Variants in RBM41 observed in about 807,000 individuals in gnomAD.
RBM41 encodes RNA binding motif protein 41.
Under a neutral mutation model 30.8 loss-of-function variants are expected in RBM41, and 14 were observed. The ratio of observed to expected loss-of-function variants is 0.45; its 90% CI spans 0.30 to 0.71. The LOEUF (loss-of-function observed/expected upper bound fraction) is 0.71, where lower values mean the gene tolerates loss of function less well. Among genes scored for constraint, RBM41 ranks in the 30% least tolerant of loss-of-function variants. The probability of loss-of-function intolerance (pLI) is 0.08; values close to 1 mark genes in which losing one functional copy is unlikely to be tolerated. For synonymous variants in RBM41, 120 were observed against 110.1 expected (o/e 1.09, Z -0.56); for missense variants, 276 against 326.3 (o/e 0.85, Z 1.19).
chrX:107,083,010 G>A (rs780542995), intron 6 of RBM41, among the ~76,000 whole-genome samples: 3 of 110,367 alleles, frequency 2.7e-5, no homozygotes, highest in Non-Finnish European at 5.7e-5. Context: ...CTTTCTTTAT[G>A]CAGATCTGAG....
chrX:107,088,659 A>G lies in RBM41; in HGVS notation c.776T>C (p.Leu259Ser), dbSNP rs1263430014. Residue 259 changes from leucine (L) to serine (S), a missense_variant, in exon 6 of 8, where the codon TTA becomes TCA. Leu to Ser is a moderately radical substitution (Grantham distance 145). Transcript: ENST00000685964. ...TGCCTGTTTTCCCTTGTCCTGGAGT[A>G]ATGATGGGCTCTCAGCTGTGCCACT... ...GDSGTAESPSLLQDKGKQAAQ... is the reference protein window; with the variant it reads ...GDSGTAESPSSLQDKGKQAAQ... 11 of 1,209,334 alleles carry G rather than the reference A, an allele frequency of 9.1e-6. No homozygotes were observed. In the Admixed American group the frequency reaches 2.0e-4, roughly 22 times the overall value.
At chrX:107,060,213 G>A (rs1445651343), downstream of RBM41, among the ~76,000 whole-genome samples, 1 of 109,883 alleles carries the variant, frequency 9.1e-6, no homozygotes, top group Non-Finnish European at 1.9e-5. Flanking sequence ...AAAATAAGCA[G>A]GAGATGGGAC....
the RBM41 span, among the ~76,000 whole-genome samples, chrX:107,052,379 C>T: frequency 4.5e-5 from 5 of 111,171 alleles, no homozygotes; most frequent in African/African-American, 1.6e-4. Context: ...AAGGTGGACG[C>T]GGTCACCTTC....
At chrX:107,068,794 T>C (rs141180780) in intron 7 of RBM41, among the ~76,000 whole-genome samples, 38 of 112,356 alleles carry the variant, frequency 3.4e-4, no homozygotes, top group African/African-American at 1.2e-3. Context: ...AAGCTATGCA[T>C]TAATTAATAT....
chrX:107,098,622 A>G (rs1923186887), intron 5 of RBM41, among the ~76,000 whole-genome samples: 1 of 112,003 alleles, frequency 8.9e-6, no homozygotes, highest in African/African-American at 3.2e-5. Context: ...CTGGAACCCT[A>G]CTTTATACCA....
rs1935718395 is a variant in RBM41, at chrX:107,063,477, T to G, written c.*4050A>C. ...TGTAGAATTCATTTAAGAAGCTATTTCAGCCTGGGCTCTTCTTTGTGGGTA... is the reference window on the plus strand; with the variant it reads ...TGTAGAATTCATTTAAGAAGCTATTGCAGCCTGGGCTCTTCTTTGTGGGTA... On this transcript the variant is annotated 3_prime_UTR_variant, in exon 8 of 8. Coordinates refer to ENST00000685964, the MANE Select transcript of RBM41 (RefSeq NM_001324242.2). Among the ~76,000 whole-genome samples, 1 of 112,267 alleles carries G rather than the reference T, an allele frequency of 8.9e-6. No individual in the cohort carries two copies. The highest frequency in any genetic ancestry group is 1.9e-5 in the Non-Finnish European group (1 of 53,260).
chrX:107,083,640 T>G (rs1921748534), intron 6 of RBM41, among the ~76,000 whole-genome samples: 1 of 111,149 alleles, frequency 9.0e-6, no homozygotes, highest in Admixed American at 9.7e-5. Flanking sequence ...TTGCCATGTC[T>G]TCAACCTTAC....
chrX:107,055,648 T>G, the RBM41 span, among the ~76,000 whole-genome samples: 1 of 112,822 alleles, frequency 8.9e-6, no homozygotes, highest in Non-Finnish European at 1.9e-5. Flanking sequence ...TGACTCATTA[T>G]TTAATGAACC....
chrX:107,097,486 CA>C (rs1250494982), intron 5 of RBM41, among the ~76,000 whole-genome samples: 1 of 111,011 alleles, frequency 9.0e-6, no homozygotes, highest in East Asian at 2.8e-4. Context: ...TTCATTCTCA[CA>C]AGATCTGATG....
chrX:107,070,189 G>T (rs956833542), intron 6 of RBM41: 8 of 327,500 alleles, frequency 2.4e-5, no homozygotes, highest in Non-Finnish European at 4.7e-5. Context: ...CTCACAATAT[G>T]CTATGGGGTA....
rs1252363452 is a variant in RBM41 at position 107,064,027 on chromosome X, C to A, written c.*3500G>T. Among the ~76,000 whole-genome samples the A allele has an allele frequency of 9.5e-6, 1 of 105,109 alleles. No individual in the cohort carries two copies. The highest frequency in any genetic ancestry group is 1.9e-5 in the Non-Finnish European group (1 of 51,403). 91.3% of individuals were successfully genotyped at this position (105,109 alleles called of 115,157 possible). ...AGTGCAGTGGTGCAATCTTGGCTCA[C>A]TGCAAGCTCTGCCTCCCAGGTTCAC... On this transcript the variant is annotated 3_prime_UTR_variant, in exon 8 of 8. Coordinates refer to ENST00000685964, the MANE Select transcript of RBM41 (RefSeq NM_001324242.2).
At chrX:107,091,779 T>C (rs1016829726) in intron 5 of RBM41, among the ~76,000 whole-genome samples, 2 of 112,382 alleles carry the variant, frequency 1.8e-5, no homozygotes, top group African/African-American at 6.5e-5. Context: ...AGCACTGTTC[T>C]ACAATTTACT....
At chrX:107,057,060 G>C (rs1935595996), downstream of RBM41, among the ~76,000 whole-genome samples, 1 of 109,508 alleles carries the variant, frequency 9.1e-6, no homozygotes, top group Admixed American at 9.8e-5. Context: ...GTAGAGACGA[G>C]GTCTCACTAC....
chrX:107,052,923 G>T, the RBM41 span, among the ~76,000 whole-genome samples: 1 of 111,853 alleles, frequency 8.9e-6, no homozygotes, highest in Non-Finnish European at 1.9e-5. Context: ...CATAATAACA[G>T]CATTCTTCTC....
At chrX:107,102,426 A>G (rs1027701964) in intron 5 of RBM41, among the ~76,000 whole-genome samples, 1 of 111,779 alleles carries the variant, frequency 8.9e-6, no homozygotes, top group Non-Finnish European at 1.9e-5. Flanking sequence ...AACAGGGCCA[A>G]CAGTATAGAT....
intron 5 of RBM41, among the ~76,000 whole-genome samples, chrX:107,104,684 A>T (rs5962381): frequency 0.28 from 30,480 of 110,077 alleles, 3,811 homozygotes; most frequent in East Asian, 0.47. Flanking sequence ...TTCTGTTTAT[A>T]TGCTGGATTA....
chrX:107,058,357 T>C (rs1467107046), downstream of RBM41, among the ~76,000 whole-genome samples: 1 of 106,650 alleles, frequency 9.4e-6, no homozygotes, highest in Non-Finnish European at 1.9e-5. Context: ...TCTATTGTAA[T>C]AATCTAACAC....
At chrX:107,055,235 CCATT>C in the RBM41 span, among the ~76,000 whole-genome samples, 3 of 112,721 alleles carry the variant, frequency 2.7e-5, no homozygotes, top group Non-Finnish European at 5.6e-5. Flanking sequence ...TTTTGTTTCT[CCATT>C]CATCAGTTGA....
chrX:107,100,359 G>A (rs1433489852), intron 5 of RBM41, among the ~76,000 whole-genome samples: 4 of 110,355 alleles, frequency 3.6e-5, no homozygotes, highest in Non-Finnish European at 7.6e-5. Context: ...AGGGGTGATG[G>A]CAAACGTCTG....
Sources: allele counts gnomAD v4.1 joint callset (sites outside exome capture counted in the v4.1 genomes callset), GRCh38; gene constraint gnomAD v4.1.1; transcripts MANE v1.5; gene names NCBI Gene and HGNC (gene_info 2026-07-23, HGNC 2026-07-21).